P4HA3: variants seen among roughly 807,000 people sequenced by gnomAD.
P4HA3 encodes the protein prolyl 4-hydroxylase subunit alpha-3.
In P4HA3, 60 loss-of-function variants were observed where a neutral mutation model predicts 66.7. That is an observed-to-expected ratio of 0.90 (90% CI 0.73 to 1.12). The LOEUF is 1.12. Among genes scored for constraint, P4HA3 ranks in the 50% most tolerant of loss-of-function variants. The pLI is 0.00. For synonymous variants in P4HA3, 263 were observed against 274.6 expected (o/e 0.96, Z 0.42); for missense variants, 683 against 685.8 (o/e 1.00, Z 0.05).
intron 4 of P4HA3, among the ~76,000 whole-genome samples, chr11:74,291,825 T>C (rs1861037792): frequency 6.6e-6 from 1 of 152,200 alleles, no homozygotes; most frequent in South Asian, 2.1e-4. Flanking sequence ...AGCTTTTTGA[T>C]GTGCTGCTGG....
chr11:74,258,118 C>T (rs1859856196), intron 15 of P4HA3, among the ~76,000 whole-genome samples: 1 of 152,114 alleles, frequency 6.6e-6, no homozygotes, highest in Non-Finnish European at 1.5e-5. Flanking sequence ...AGCTGGCCAC[C>T]CCATCAGCAG....
intron 7 of P4HA3, among the ~76,000 whole-genome samples, chr11:74,281,168 A>C (rs1860580623): frequency 6.6e-6 from 1 of 152,228 alleles, no homozygotes; most frequent in South Asian, 2.1e-4. Flanking sequence ...TCAAAACCAC[A>C]ATGAGTTACC....
At chr11:74,271,483 A>C (rs1860196175) in intron 10 of P4HA3, among the ~76,000 whole-genome samples, 1 of 152,118 alleles carries the variant, frequency 6.6e-6, no homozygotes, top group Admixed American at 6.5e-5. Context: ...GGAAAGGGAG[A>C]GAAATCTTCC....
At position 74,267,021 on chromosome 11, in the gene P4HA3, G is replaced by A; in HGVS notation, c.*227C>T. 1 of 1,527,694 alleles carries A rather than the reference G, an allele frequency of 6.5e-7. No homozygotes were observed. Among genetic ancestry groups the A allele is most frequent in the Non-Finnish European group, 8.8e-7 (1 of 1,141,934 alleles). 94.6% of individuals were successfully genotyped at this position (1,527,694 alleles called of 1,614,324 possible). A position where few individuals can be genotyped will look rare whatever the true frequency, so the allele number is the denominator to read the frequency against. ...TCAGGCCTCCACTCCCCCCTCCTTT[G>A]TACTGTGCATCCTACTCTGACTTCC... is the stretch of plus-strand genomic sequence containing the variant. On this transcript the variant is annotated 3_prime_UTR_variant, in exon 13 of 13. Coordinates refer to ENST00000331597, the MANE Select transcript of P4HA3 (RefSeq NM_182904.5).
chr11:74,305,964 G>C (rs1565423893), intron 1 of P4HA3, among the ~76,000 whole-genome samples: 1 of 152,100 alleles, frequency 6.6e-6, no homozygotes, highest in Non-Finnish European at 1.5e-5. Context: ...GACAGAGAGG[G>C]GATGATTAAT....
At chr11:74,279,595 G>T in intron 7 of P4HA3, 143 bp from the exon 8 acceptor site, 1 of 739,340 alleles carries the variant, frequency 1.4e-6, no homozygotes, top group Non-Finnish European at 2.4e-6. Context: ...TTGCATGTGG[G>T]ACTAATTTAG....
At position 74,311,603 on chromosome 11, in the gene P4HA3, A is replaced by C; in HGVS notation, c.9T>G (p.Pro3=). Residue 3 remains proline (P), a synonymous_variant, in exon 1 of 13, where the codon CCT becomes CCG. Coordinates refer to ENST00000331597, the MANE Select transcript of P4HA3 (RefSeq NM_182904.5). ...CCAGCAGCGCCGCCAGCCGCGCCCC[A>C]GGACCCATAGCCAGCGCTCGCGAAC... The part of the protein sequence containing the change: MG[P]GARLAALLAV... 1 of 1,521,728 alleles carries C rather than the reference A, an allele frequency of 6.6e-7. No individual in the cohort carries two copies. Among genetic ancestry groups the C allele is most frequent in the South Asian group, 1.2e-5 (1 of 81,402 alleles). 94.3% of individuals were successfully genotyped at this position (1,521,728 alleles called of 1,614,324 possible).
Position 74,285,246 on chromosome 11 carries a change from T to G in P4HA3, c.1110+563A>C, listed in dbSNP as rs1374226821. Among the ~76,000 whole-genome samples the G allele has an allele frequency of 2.0e-5, 3 of 152,294 alleles. 1 individual carries two copies. In the Middle Eastern group the frequency reaches 0.01, roughly 518 times the overall value. On this transcript the variant is annotated intron_variant, in intron 7 of 12. Transcript: ENST00000331597. ...TGTACCTCTAAGTTCTAGCTGTGGCTCTAGCTACATGTATGAGCTTAACAA... is the reference window on the plus strand; with the variant it reads ...TGTACCTCTAAGTTCTAGCTGTGGCGCTAGCTACATGTATGAGCTTAACAA...
intron 15 of P4HA3, among the ~76,000 whole-genome samples, chr11:74,252,240 T>G (rs111625491): frequency 0.013 from 1,833 of 135,994 alleles, 36 homozygotes; most frequent in African/African-American, 0.052. Context: ...GCTAATTTTG[T>G]TTTTTTTTTT....
At chr11:74,271,725 G>C (rs1342336074) in intron 10 of P4HA3, among the ~76,000 whole-genome samples, 1 of 152,060 alleles carries the variant, frequency 6.6e-6, no homozygotes, top group African/African-American at 2.4e-5. Context: ...TCAATCCTCT[G>C]TACTTCTTAA....
chr11:74,287,150 T>C (rs1362634971), intron 5 of P4HA3: 2 of 1,241,944 alleles, frequency 1.6e-6, no homozygotes, highest in Non-Finnish European at 2.1e-6. Context: ...AGATGCCCCA[T>C]GCATTGGCAG....
chr11:74,273,946 G>A (rs1045114074), intron 9 of P4HA3, among the ~76,000 whole-genome samples: 1 of 152,036 alleles, frequency 6.6e-6, no homozygotes, highest in Non-Finnish European at 1.5e-5. Context: ...CAATTATTCT[G>A]TAGAAATACC....
At chr11:74,258,385 A>G (rs1267732388) in intron 15 of P4HA3, among the ~76,000 whole-genome samples, 2 of 152,204 alleles carry the variant, frequency 1.3e-5, no homozygotes, top group South Asian at 2.1e-4. Flanking sequence ...ATGCCATTCC[A>G]TAATGACTTA....
chr11:74,261,525 T>C (rs1416866218), intron 14 of P4HA3, among the ~76,000 whole-genome samples: 1 of 151,924 alleles, frequency 6.6e-6, no homozygotes, highest in African/African-American at 2.4e-5. Context: ...GACCTGACCC[T>C]ATCTGCCTAG....
intron 10 of P4HA3, 142 bp downstream of exon 10, chr11:74,273,403 A>G (rs2134732100): frequency 1.8e-6 from 1 of 561,844 alleles, no homozygotes; most frequent in Non-Finnish European, 2.8e-6. Context: ...CCTATCAAAA[A>G]TGCTGTCTGA....
At position 74,273,612 on chromosome 11, in the gene P4HA3, G is replaced by GA. The variant is rs747947907; in HGVS notation, c.1336-6dup. ...GTAGAGGGGGCTGCTTGGTGACTGA[G>GA]AAAAAAAAAAACAGAACATATTATT... On this transcript the variant is annotated splice_region_variant and splice_polypyrimidine_tract_variant and intron_variant, in intron 9 of 12. Coordinates refer to ENST00000331597, the MANE Select transcript of P4HA3 (RefSeq NM_182904.5). 0.098 allele frequency: 96,424 copies of GA among 979,338 alleles called. No homozygotes were observed. The highest frequency in any genetic ancestry group is 0.13 in the South Asian group (6,965 of 51,968). 60.7% of individuals were successfully genotyped at this position (979,338 alleles called of 1,614,324 possible).
At chr11:74,263,263 T>C (rs1414297540), downstream of P4HA3, among the ~76,000 whole-genome samples, 1 of 152,256 alleles carries the variant, frequency 6.6e-6, no homozygotes, top group African/African-American at 2.4e-5. Context: ...TGTTCACCGT[T>C]CATTTGTGGA....
At chr11:74,251,424 C>G in intron 15 of P4HA3, 3 of 1,396,294 alleles carry the variant, frequency 2.1e-6, no homozygotes, top group Non-Finnish European at 2.8e-6. Flanking sequence ...AAGCCCTTCA[C>G]GTCATTCCTC....
intron 15 of P4HA3, among the ~76,000 whole-genome samples, chr11:74,258,112 G>A (rs973753330): frequency 1.3e-5 from 2 of 152,124 alleles, no homozygotes; most frequent in African/African-American, 4.8e-5. Flanking sequence ...TGCTCCAGCT[G>A]GCCACCCCAT....
Sources: allele counts gnomAD v4.1 joint callset (sites outside exome capture counted in the v4.1 genomes callset), GRCh38; gene constraint gnomAD v4.1.1; transcripts MANE v1.5; gene names NCBI Gene and HGNC (gene_info 2026-07-23, HGNC 2026-07-21).